Variants in SGCD observed in about 807,000 individuals in gnomAD.
The protein encoded by SGCD is delta-sarcoglycan.
Under a neutral mutation model 36.6 loss-of-function variants are expected in SGCD, and 18 were observed. The observed-to-expected ratio is 0.49, with a 90% CI of 0.34 to 0.73. SGCD has a LOEUF of 0.73. SGCD is among the 30% of genes least tolerant of loss of function. The pLI is 0.01. For synonymous variants in SGCD, 133 were observed against 130.6 expected, an observed-to-expected ratio of 1.02 and a Z score of -0.12; for missense variants, 387 against 346.7, an observed-to-expected ratio of 1.12 and a Z score of -0.92.
chr5:156,640,304 C>G (rs932426127), intron 6 of SGCD, among the ~76,000 whole-genome samples: 1 of 151,948 alleles, frequency 6.6e-6, no homozygotes, highest in East Asian at 1.9e-4. Context: ...CTATACATCT[C>G]TAGATATATA....
At chr5:155,755,806 A>G in the SGCD span, among the ~76,000 whole-genome samples, 1 of 152,126 alleles carries the variant, frequency 6.6e-6, no homozygotes, top group Non-Finnish European at 1.5e-5. Flanking sequence ...CTGACTTTCA[A>G]TTTGTTAATG....
At chr5:156,640,955 A>G (rs1277825700) in intron 6 of SGCD, among the ~76,000 whole-genome samples, 2 of 152,154 alleles carry the variant, frequency 1.3e-5, no homozygotes, top group African/African-American at 4.8e-5. Context: ...TGTATTGTTC[A>G]TGTCTGGGAA....
At chr5:156,069,102 T>A (rs1234633502) in intron 1 of SGCD, among the ~76,000 whole-genome samples, 1 of 152,178 alleles carries the variant, frequency 6.6e-6, no homozygotes, top group Non-Finnish European at 1.5e-5. Flanking sequence ...TAGTTTCTTT[T>A]GCTGTGCAGA....
At chr5:156,590,627 G>A (rs1760689330) in intron 5 of SGCD, among the ~76,000 whole-genome samples, 2 of 152,228 alleles carry the variant, frequency 1.3e-5, no homozygotes, top group South Asian at 4.1e-4. Flanking sequence ...TATTTAGCCT[G>A]TTGATCATTT....
rs1991793 is a variant in SGCD at position 155,956,204 on chromosome 5, C to A, written c.-282+85780C>A. Among the ~76,000 whole-genome samples, 594 of 151,272 alleles carry A rather than the reference C, an allele frequency of 3.9e-3. 5 individuals carry two copies. The highest frequency in any genetic ancestry group is 0.014 in the African/African-American group (565 of 41,218). Reference sequence around the variant, plus strand: ...GGGCGTGCCTCTGGCTGAAGTATTCCTGCTCATGATTTAGACCCTTCCTGC... The same window carrying A: ...GGGCGTGCCTCTGGCTGAAGTATTCATGCTCATGATTTAGACCCTTCCTGC... On this transcript the variant is annotated intron_variant, in intron 1 of 9. Transcript: ENST00000517913.
chr5:155,877,002 A>G (rs964647332), intron 1 of SGCD, among the ~76,000 whole-genome samples: 2 of 152,134 alleles, frequency 1.3e-5, no homozygotes, highest in African/African-American at 2.4e-5. Flanking sequence ...TACATTCCCT[A>G]TCTTCAAGGA....
At chr5:156,467,881 A>T (rs981255223) in intron 3 of SGCD, among the ~76,000 whole-genome samples, 1 of 152,224 alleles carries the variant, frequency 6.6e-6, no homozygotes, top group Admixed American at 6.5e-5. Flanking sequence ...ACTAAGGAAC[A>T]AATGTCTAGC....
intron 3 of SGCD, among the ~76,000 whole-genome samples, chr5:156,261,192 T>A (rs1368349347): frequency 6.6e-6 from 1 of 152,194 alleles, no homozygotes; most frequent in Non-Finnish European, 1.5e-5. Context: ...CTTTTCAATG[T>A]TTTCTGAGTT....
intron 1 of SGCD, among the ~76,000 whole-genome samples, chr5:156,099,845 T>C (rs1288442188): frequency 6.6e-6 from 1 of 152,168 alleles, no homozygotes; most frequent in African/African-American, 2.4e-5. Flanking sequence ...AAGTTTGTAG[T>C]AATTTGTCAT....
chr5:155,784,047 C>A, the SGCD span, among the ~76,000 whole-genome samples: 1 of 152,144 alleles, frequency 6.6e-6, no homozygotes, highest in Non-Finnish European at 1.5e-5. Context: ...AGCAAACAGG[C>A]ATTGGTCCCT....
In SGCD at chr5:156,763,947, G is replaced by A. The variant is rs1254950217; in HGVS notation, c.*4557G>A. ...AAGGCCAAAGGTAGTATGAAGTTTG[G>A]ACCAAAAAGGTAAATAGATCCATTC... On this transcript the variant is annotated 3_prime_UTR_variant, in exon 9 of 9. Coordinates refer to ENST00000337851, the MANE Select transcript of SGCD (RefSeq NM_000337.6). 6.6e-6 allele frequency: 1 copy of A among 152,042 alleles called. No homozygotes were observed. The highest frequency in any genetic ancestry group is 1.5e-5 in the Non-Finnish European group (1 of 68,010). The allele number at this position is 152,042 out of a possible 1,614,324, so 9.4% of individuals were successfully genotyped here. A position where few individuals can be genotyped will look rare whatever the true frequency, so the allele number is the denominator to read the frequency against.
intron 1 of SGCD, among the ~76,000 whole-genome samples, chr5:155,957,025 A>G (rs1414230139): frequency 6.6e-6 from 1 of 151,996 alleles, no homozygotes; most frequent in African/African-American, 2.4e-5. Flanking sequence ...ATGTATGGGG[A>G]AAATAGATCA....
intron 1 of SGCD, among the ~76,000 whole-genome samples, chr5:156,019,950 C>A (rs1010630548): frequency 4.6e-5 from 7 of 152,156 alleles, no homozygotes; most frequent in African/African-American, 1.2e-4. Context: ...CTTCTCTAAA[C>A]TTTCTTCTGG....
chr5:156,076,261 C>T (rs1408712477), intron 1 of SGCD, among the ~76,000 whole-genome samples: 10 of 151,974 alleles, frequency 6.6e-5, no homozygotes. Context: ...CTTGATACAG[C>T]AGGTGGTTTA....
At chr5:156,721,006 C>G (rs1328375540) in intron 7 of SGCD, among the ~76,000 whole-genome samples, 1 of 152,116 alleles carries the variant, frequency 6.6e-6, no homozygotes, top group Non-Finnish European at 1.5e-5. Context: ...GATTTCCTGG[C>G]ATGTTAGTGT....
At chr5:156,243,418 G>A (rs1471986986) in intron 3 of SGCD, among the ~76,000 whole-genome samples, 2 of 152,176 alleles carry the variant, frequency 1.3e-5, no homozygotes, top group African/African-American at 4.8e-5. Context: ...CACATTAAGG[G>A]TAAGAAGAAC....
intron 1 of SGCD, among the ~76,000 whole-genome samples, chr5:155,892,440 T>C (rs979530448): frequency 3.1e-4 from 36 of 115,144 alleles, no homozygotes; most frequent in African/African-American, 1.2e-3. Flanking sequence ...GGCAACAGAG[T>C]GAGACTCCAT....
chr5:155,935,829 A>G (rs921342189), intron 1 of SGCD, among the ~76,000 whole-genome samples: 2 of 152,188 alleles, frequency 1.3e-5, no homozygotes, highest in Admixed American at 6.5e-5. Context: ...TCACGCTACC[A>G]GCATGGATCC....
chr5:156,732,929 G>A (rs1256982607), intron 7 of SGCD, among the ~76,000 whole-genome samples: 2 of 151,990 alleles, frequency 1.3e-5, no homozygotes, highest in East Asian at 3.8e-4. Flanking sequence ...CATCTCCCTT[G>A]TCGTTTCTGA....
Sources: gnomAD v4.1 joint callset for allele counts (sites outside exome capture counted in the v4.1 genomes callset) on GRCh38, gnomAD v4.1.1 for gene constraint, MANE v1.5 for transcripts, NCBI Gene and HGNC (gene_info 2026-07-23, HGNC 2026-07-21) for gene names.